RALGPS1: variants seen among roughly 807,000 people sequenced by gnomAD.
The protein encoded by RALGPS1 is ras-specific guanine nucleotide-releasing factor RalGPS1.
RALGPS1 carries 19 observed loss-of-function variants against 78.8 expected under a neutral mutation model. The observed-to-expected ratio is 0.24, with a 90% CI of 0.17 to 0.35. The LOEUF is 0.35. RALGPS1 is among the 10% of genes least tolerant of loss of function. The pLI is 1.00. For missense variants in RALGPS1, 454 were observed against 688.3 expected (o/e 0.66, Z 3.81); for synonymous variants, 228 against 256.3 (o/e 0.89, Z 1.06).
intron 14 of RALGPS1, among the ~76,000 whole-genome samples, chr9:127,208,663 A>C (rs540812925): frequency 6.6e-6 from 1 of 152,174 alleles, no homozygotes; most frequent in African/African-American, 2.4e-5. Flanking sequence ...ATCTGTCAAG[A>C]GCCCACCCAG....
At chr9:127,068,581 C>T (rs1269273508) in intron 7 of RALGPS1, among the ~76,000 whole-genome samples, 1 of 152,190 alleles carries the variant, frequency 6.6e-6, no homozygotes, top group Non-Finnish European at 1.5e-5. Flanking sequence ...AAGATTGAAG[C>T]TTTCCATCTC....
chr9:126,955,769 C>A (rs1163641185), intron 1 of RALGPS1, among the ~76,000 whole-genome samples: 1 of 152,188 alleles, frequency 6.6e-6, no homozygotes, highest in African/African-American at 2.4e-5. Context: ...CAGTGTCTAG[C>A]ATGAGGTAGG....
Position 127,006,232 on chromosome 9 carries a change from A to C in RALGPS1, c.217-28199A>C, listed in dbSNP as rs200516953. 9.2e-5 allele frequency among the ~76,000 whole-genome samples: 14 copies of C among 152,194 alleles called. No homozygotes were observed. In the East Asian group the frequency reaches 2.7e-3, roughly 29 times the overall value. On this transcript the variant is annotated intron_variant, in intron 4 of 18. Transcript: ENST00000259351. The stretch of plus-strand genomic sequence containing the variant: ...GCTCAGCAAAACATGAAAACAGAGT[A>C]TGGATTCACGGTCCTTCTTTGGGGA...
chr9:127,029,124 A>T (rs1183404105), intron 4 of RALGPS1, among the ~76,000 whole-genome samples: 3 of 152,152 alleles, frequency 2.0e-5, no homozygotes, highest in Non-Finnish European at 4.4e-5. Flanking sequence ...ATATAGATAG[A>T]GAAGAATGTA....
intron 18 of RALGPS1, chr9:127,216,955 A>T (rs2131038953): frequency 6.5e-7 from 1 of 1,547,590 alleles, no homozygotes; most frequent in East Asian, 2.5e-5. Context: ...CACGAGGTGG[A>T]CCACCTGGAG....
At chr9:126,932,637 A>G (rs888906337) in intron 1 of RALGPS1, among the ~76,000 whole-genome samples, 8 of 152,236 alleles carry the variant, frequency 5.3e-5, no homozygotes, top group Admixed American at 3.9e-4. Flanking sequence ...TACAGATAGA[A>G]AAGGTTATAG....
chr9:127,070,408 A>AC (rs2050095968), intron 8 of RALGPS1, among the ~76,000 whole-genome samples: 1 of 152,200 alleles, frequency 6.6e-6, no homozygotes, highest in African/African-American at 2.4e-5. Context: ...AGTTATGATT[A>AC]TTACCTTGTG....
chr9:127,002,570 A>G (rs949631560), intron 4 of RALGPS1, among the ~76,000 whole-genome samples: 3 of 145,602 alleles, frequency 2.1e-5, no homozygotes, highest in African/African-American at 7.6e-5. Context: ...AGCATTAGGT[A>G]TATCTCCCAA....
intron 4 of RALGPS1, among the ~76,000 whole-genome samples, chr9:127,002,151 T>C (rs2043369995): frequency 6.6e-6 from 1 of 152,156 alleles, no homozygotes; most frequent in African/African-American, 2.4e-5. Flanking sequence ...TATGTACAAA[T>C]GTAACCATGA....
At position 127,091,724 on chromosome 9, in the gene RALGPS1, A is replaced by G; in HGVS notation, c.610+22368A>G. On this transcript the variant is annotated intron_variant, in intron 8 of 18. Coordinates refer to ENST00000259351, the MANE Select transcript of RALGPS1 (RefSeq NM_014636.3). This position sits in a 1 kb window ranked among gnomAD's most constrained non-coding sequence, Gnocchi z 4.3. ...GTGGTGAACTGCTTGCCGTTGTGCCATGTAAAGGAGTCACCCGCATTGCCA... is the reference window on the plus strand; with the variant it reads ...GTGGTGAACTGCTTGCCGTTGTGCCGTGTAAAGGAGTCACCCGCATTGCCA... 1 of 1,613,998 alleles carries G rather than the reference A, an allele frequency of 6.2e-7. No individual in the cohort carries two copies. Among genetic ancestry groups the G allele is most frequent in the Non-Finnish European group, 8.5e-7 (1 of 1,179,998 alleles).
intron 4 of RALGPS1, among the ~76,000 whole-genome samples, chr9:126,995,943 A>G (rs1316389912): frequency 6.6e-6 from 1 of 152,224 alleles, no homozygotes; most frequent in South Asian, 2.1e-4. Context: ...TGGGTAAATA[A>G]TGAAATGAAG....
intron 14 of RALGPS1, among the ~76,000 whole-genome samples, chr9:127,208,652 G>A (rs977611253): frequency 3.3e-5 from 5 of 152,140 alleles, no homozygotes; most frequent in African/African-American, 4.8e-5. Flanking sequence ...GTGACTGCTT[G>A]ATCTGTCAAG....
At chr9:127,098,558 C>T (rs2053400069) in intron 8 of RALGPS1, among the ~76,000 whole-genome samples, 1 of 152,074 alleles carries the variant, frequency 6.6e-6, no homozygotes, top group African/African-American at 2.4e-5. Context: ...CAGGAGGCCT[C>T]CAGAGGAGGG....
intron 8 of RALGPS1, chr9:127,088,055 A>G (rs1282092409): frequency 6.6e-6 from 1 of 152,572 alleles, no homozygotes; most frequent in Non-Finnish European, 1.5e-5. Context: ...TCTCGCCTGG[A>G]AAGAAGGGGC....
At chr9:127,161,198 A>G (rs548654212) in intron 8 of RALGPS1, among the ~76,000 whole-genome samples, 23 of 152,244 alleles carry the variant, frequency 1.5e-4, no homozygotes, top group Non-Finnish European at 5.9e-5. Context: ...GGTGGCCACC[A>G]TGCAGTCAGC....
chr9:126,941,460 T>G (rs2036783441), intron 1 of RALGPS1, among the ~76,000 whole-genome samples: 1 of 152,118 alleles, frequency 6.6e-6, no homozygotes, highest in Non-Finnish European at 1.5e-5. Flanking sequence ...CTGCAAAAAT[T>G]AAAAATAAGT....
rs563362951 is a variant in RALGPS1, at chr9:126,936,395, C to G, written c.-66+21420C>G. 4.6e-5 allele frequency among the ~76,000 whole-genome samples: 7 copies of G among 152,086 alleles called. No individual in the cohort carries two copies. In the South Asian group the frequency reaches 1.5e-3, roughly 32 times the overall value. ...AAAGTATATGAGAGACTTTCTGGAA[C>G]TGAAAGTCAATGAAGAACTGAAATT... On this transcript the variant is annotated intron_variant, in intron 1 of 18. Coordinates refer to ENST00000259351, the MANE Select transcript of RALGPS1 (RefSeq NM_014636.3).
intron 8 of RALGPS1, among the ~76,000 whole-genome samples, chr9:127,140,424 G>C (rs539474775): frequency 6.6e-6 from 1 of 152,224 alleles, no homozygotes; most frequent in Non-Finnish European, 1.5e-5. Flanking sequence ...CCCTTAGATC[G>C]TCATGAAAGG....
chr9:127,058,138 G>A (rs1432449031), intron 7 of RALGPS1, among the ~76,000 whole-genome samples: 1 of 152,204 alleles, frequency 6.6e-6, no homozygotes, highest in East Asian at 1.9e-4. Context: ...GCCCTGCACA[G>A]GAATCAGCTT....
Sources: gnomAD v4.1 joint callset for allele counts (sites outside exome capture counted in the v4.1 genomes callset) on GRCh38, gnomAD v4.1.1 for gene constraint, Gnocchi (gnomAD v3.1) non-coding constraint, MANE v1.5 for transcripts, NCBI Gene and HGNC (gene_info 2026-07-23, HGNC 2026-07-21) for gene names.